TMEM115: variants seen among roughly 807,000 people sequenced by gnomAD.
TMEM115 encodes the protein transmembrane protein 115.
Under a neutral mutation model 20.1 loss-of-function variants are expected in TMEM115, and 8 were observed. The ratio of observed to expected loss-of-function variants is 0.40; its 90% confidence interval spans 0.23 to 0.72. The LOEUF (loss-of-function observed/expected upper bound fraction) is 0.72. Ranked by LOEUF, TMEM115 falls within the 30% of genes least tolerant of loss-of-function variation. The pLI, the probability that TMEM115 is intolerant of heterozygous loss-of-function variation, is 0.39. For synonymous variants in TMEM115, 229 were observed against 206.2 expected (o/e 1.11, Z -0.95); for missense variants, 374 against 455.1 (o/e 0.82, Z 1.62).
In TMEM115 at chr3:50,358,430, T is replaced by G. The variant is rs1703911129; in HGVS notation, c.634A>C (p.Ser212Arg). Residue 212 changes from serine to arginine, a missense_variant, in exon 1 of 2, where the codon AGC becomes CGC. Coordinates refer to ENST00000266025, the MANE Select transcript of TMEM115 (RefSeq NM_007024.5). ...WVYLRFYQRH[S>R]RGRGDMADHF... is the part of the protein sequence containing the mutation. Reference sequence around the variant, plus strand: ...TCAGCCATGTCCCCTCGGCCCCGGCTATGGCGCTGGTAGAAGCGAAGATAT... The same window carrying G: ...TCAGCCATGTCCCCTCGGCCCCGGCGATGGCGCTGGTAGAAGCGAAGATAT... 5 of 1,613,812 alleles carry G rather than the reference T, an allele frequency of 3.1e-6. No individual in the cohort carries two copies. Among genetic ancestry groups the G allele is most frequent in the Non-Finnish European group, 4.2e-6 (5 of 1,180,040 alleles).
intron 1 of TMEM115, among the ~76,000 whole-genome samples, chr3:50,356,374 C>T (rs762451536): frequency 8.5e-5 from 13 of 152,170 alleles, no homozygotes; most frequent in Admixed American, 6.5e-4. Context: ...GCCAGGGAAC[C>T]GTTTCAACAG....
chr3:50,357,891 C>T (rs1420781677), intron 1 of TMEM115, among the ~76,000 whole-genome samples: 1 of 152,242 alleles, frequency 6.6e-6, no homozygotes, highest in Non-Finnish European at 1.5e-5. Context: ...GCTTCTGGCT[C>T]CCACAGGCCC....
intron 1 of TMEM115, among the ~76,000 whole-genome samples, chr3:50,356,538 A>G (rs952384618): frequency 1.3e-5 from 2 of 152,212 alleles, no homozygotes; most frequent in Admixed American, 6.5e-5. Context: ...AGAAAGCCCT[A>G]GCACGCTTCC....
At chr3:50,358,117 G>T in intron 1 of TMEM115, 96 bp downstream of exon 1, 2 of 1,499,618 alleles carry the variant, frequency 1.3e-6, no homozygotes, top group South Asian at 1.3e-5. Context: ...CCTGACTGTA[G>T]GTCTCCACCT....
rs917599041 is a variant in TMEM115, at chr3:50,359,501, G to C, written c.-438C>G. 7 of 157,888 alleles carry C rather than the reference G, an allele frequency of 4.4e-5. No homozygotes were observed. The highest frequency in any genetic ancestry group is 8.2e-5 in the Non-Finnish European group (6 of 72,732). 9.8% of individuals were successfully genotyped at this position (157,888 alleles called of 1,614,324 possible). On this transcript the variant is annotated 5_prime_UTR_variant, in exon 1 of 2. Transcript: ENST00000266025. ...TGGCTTCGACCGTACCTCTTCTCTCGGGGGGCCGACAAACAGGGGTGCTGC... is the reference window on the plus strand; with the variant it reads ...TGGCTTCGACCGTACCTCTTCTCTCCGGGGGCCGACAAACAGGGGTGCTGC...
chr3:50,358,735 C>G lies in TMEM115; in HGVS notation c.329G>C (p.Gly110Ala). 6.2e-7 allele frequency: 1 copy of G among 1,613,482 alleles called. No individual in the cohort carries two copies. The change falls in exon 1 of 2, where the codon GGG becomes GCG. Residue 110 changes from glycine to alanine, a missense_variant. Transcript: ENST00000266025. ...GAGGTAGGCGAAGGCCCCCAGCAGC[C>G]CTACAGACACATTCACCACTGAGAA... is the stretch of plus-strand genomic sequence containing the variant. ...IFFSVVNVSV[G>A]LLGAFAYLLT... is the part of the protein sequence containing the mutation.
Position 50,358,018 on chromosome 3 carries a change from G to A in TMEM115, c.851+195C>T, listed in dbSNP as rs865803575. 20 of 677,966 alleles carry A rather than the reference G, an allele frequency of 2.9e-5. No individual in the cohort carries two copies. The South Asian group carries it at 3.9e-4, about 13-fold the overall frequency. 42.0% of individuals were successfully genotyped at this position (677,966 alleles called of 1,614,324 possible). A position where few individuals can be genotyped will look rare whatever the true frequency, so the allele number is the denominator to read the frequency against. ...AGACTTATTAAGTGGCCCGAGTGGT[G>A]AGAAAAGTGCCTCGTGGACCCCAGA... On this transcript the variant is annotated intron_variant, in intron 1 of 1. Coordinates refer to ENST00000266025, the MANE Select transcript of TMEM115 (RefSeq NM_007024.5).
Position 50,358,153 on chromosome 3 carries a change from G to A in TMEM115, c.851+60C>T, listed in dbSNP as rs999275563. The A allele has an allele frequency of 5.0e-5, 79 of 1,581,000 alleles. No homozygotes were observed. In the African/African-American group the frequency reaches 8.3e-4, roughly 17 times the overall value. On this transcript the variant is annotated intron_variant, in intron 1 of 1. Transcript: ENST00000266025. ...ATGTACAGCGAACACCTCAACAGAT[G>A]GCATGTGACTCGACCAGTATGCTCC...
At position 50,358,638 on chromosome 3, in the gene TMEM115, T is replaced by G; in HGVS notation, c.426A>C (p.Leu142=). ...GCTTGAGTGCCACCAGGACGCCACC[T>G]AGGAAGCCCAAGGCGCCGTGGATAC... ...TVRIHGALGF[L]GGVLVALKQT... Residue 142 remains leucine, a synonymous_variant, in exon 1 of 2, where the codon CTA becomes CTC. Transcript: ENST00000266025. 1 of 1,612,802 alleles carries G rather than the reference T, an allele frequency of 6.2e-7. No individual in the cohort carries two copies.
chr3:50,356,562 G>A (rs1187687563), intron 1 of TMEM115, among the ~76,000 whole-genome samples: 2 of 151,872 alleles, frequency 1.3e-5, no homozygotes, highest in South Asian at 2.1e-4. Flanking sequence ...CTGCCCGTCA[G>A]TCTCACACAT....
chr3:50,356,401 C>T (rs1198450249), intron 1 of TMEM115, among the ~76,000 whole-genome samples: 1 of 152,212 alleles, frequency 6.6e-6, no homozygotes, highest in Non-Finnish European at 1.5e-5. Context: ...CTGTGGACTC[C>T]TATACCTCAG....
At position 50,358,713 on chromosome 3, in the gene TMEM115, G is replaced by A. The variant is rs1318398635; in HGVS notation, c.351C>T (p.Tyr117=). 3.7e-6 allele frequency: 6 copies of A among 1,613,530 alleles called. No individual in the cohort carries two copies. Among genetic ancestry groups the A allele is most frequent in the East Asian group, 4.5e-5 (2 of 44,882 alleles). ...VSVGLLGAFA[Y]LLTYMASFNL... is the part of the protein sequence containing the mutation. ...TGAAGGAAGCCATGTAGGTGAGGAG[G>A]TAGGCGAAGGCCCCCAGCAGCCCTA... Residue 117 remains tyrosine, a synonymous_variant, in exon 1 of 2, where the codon TAC becomes TAT. Coordinates refer to ENST00000266025, the MANE Select transcript of TMEM115 (RefSeq NM_007024.5).
Position 50,355,455 on chromosome 3 carries a change from C to G in TMEM115, c.944G>C (p.Gly315Ala). 1 of 1,607,152 alleles carries G rather than the reference C, an allele frequency of 6.2e-7. No homozygotes were observed. Among genetic ancestry groups the G allele is most frequent in the South Asian group, 1.1e-5 (1 of 89,972 alleles). Residue 315 changes from glycine (G) to alanine (A), a missense_variant, in exon 2 of 2, where the codon GGG (glycine) becomes GCG (alanine). By Grantham distance (60) the Gly-to-Ala change is moderately conservative. Coordinates refer to ENST00000266025, the MANE Select transcript of TMEM115 (RefSeq NM_007024.5). ...GGGCAGGGGGCTGTCCACCTTGGCC[C>G]CAGACTCCTCTTCATCATCATCCAT... ...PSMDDDEEESGAKVDSPLPSD... is the reference protein window; with the variant it reads ...PSMDDDEEESAAKVDSPLPSD...
Position 50,359,010 on chromosome 3 carries a change from G to T in TMEM115, c.54C>A (p.Ser18Arg), listed in dbSNP as rs746709570. ...ACAGAGCCTTCACCACCACGCTGGC[G>T]CTGGCCAGAATGGCCCCCAAGTGCT... ...ARQHLGAILA[S>R]ASVVVKALCA... Residue 18 changes from serine to arginine, a missense_variant, in exon 1 of 2, where the codon AGC becomes AGA. Ser to Arg is a moderately radical substitution (Grantham distance 110). Transcript: ENST00000266025. 2.5e-6 allele frequency: 4 copies of T among 1,572,252 alleles called. No individual in the cohort carries two copies. The African/African-American group carries it at 5.4e-5, about 21-fold the overall frequency.
At chr3:50,357,010 T>G (rs1413404781) in intron 1 of TMEM115, among the ~76,000 whole-genome samples, 1 of 152,344 alleles carries the variant, frequency 6.6e-6, no homozygotes, top group East Asian at 1.9e-4. Flanking sequence ...TGAATGGCTC[T>G]GAGGGACAGC....
intron 1 of TMEM115, among the ~76,000 whole-genome samples, chr3:50,357,487 C>T (rs1484327793): frequency 6.6e-6 from 1 of 152,222 alleles, no homozygotes. Context: ...CTCCACAGAT[C>T]TGGGAGAGAG....
rs754398449 is a variant in TMEM115 at position 50,358,621 on chromosome 3, G to A, written c.443C>T (p.Ala148Val). ...ACAGTCCCCCATGGTTTGCTTGAGT[G>A]CCACCAGGACGCCACCTAGGAAGCC... is the stretch of plus-strand genomic sequence containing the variant. ...ALGFLGGVLV[A>V]LKQTMGDCVV... is the part of the protein sequence containing the mutation. Residue 148 changes from alanine (A) to valine (V), a missense_variant, in exon 1 of 2, where the codon GCA becomes GTA. By Grantham distance (64) the Ala-to-Val change is moderately conservative. Coordinates refer to ENST00000266025, the MANE Select transcript of TMEM115 (RefSeq NM_007024.5). 1 of 1,612,692 alleles carries A rather than the reference G, an allele frequency of 6.2e-7. No individual in the cohort carries two copies. The highest frequency in any genetic ancestry group is 8.5e-7 in the Non-Finnish European group (1 of 1,179,760).
At chr3:50,358,092 G>T in intron 1 of TMEM115, 121 bp downstream of exon 1, 3 of 1,367,410 alleles carry the variant, frequency 2.2e-6, no homozygotes, top group South Asian at 2.7e-5. Flanking sequence ...TTGTCTTTCC[G>T]GATGTGCCCC....
At chr3:50,356,248 T>C (rs1703867807) in intron 1 of TMEM115, among the ~76,000 whole-genome samples, 1 of 152,190 alleles carries the variant, frequency 6.6e-6, no homozygotes, top group Non-Finnish European at 1.5e-5. Flanking sequence ...GCCTACTGCT[T>C]CCACAGGGTG....
Sources: allele counts gnomAD v4.1 joint callset (sites outside exome capture counted in the v4.1 genomes callset), GRCh38; gene constraint gnomAD v4.1.1; transcripts MANE v1.5; gene names NCBI Gene and HGNC (gene_info 2026-07-23, HGNC 2026-07-21).